LIPC: variants seen among roughly 807,000 people sequenced by gnomAD.
LIPC encodes the protein lipase C, hepatic type.
In LIPC, 44 loss-of-function variants were observed where a neutral mutation model predicts 50.7. The ratio of observed to expected loss-of-function variants is 0.87; its 90% confidence interval spans 0.68 to 1.11. The LOEUF is 1.11. Ranked by LOEUF, LIPC falls within the 50% of genes most tolerant of loss-of-function variation. The probability of loss-of-function intolerance (pLI) is 0.00; values close to 1 mark genes in which losing one functional copy is unlikely to be tolerated. For missense variants in LIPC, 697 were observed against 648.2 expected, an observed-to-expected ratio of 1.08 and a Z score of -0.82; for synonymous variants, 271 against 256.4, an observed-to-expected ratio of 1.06 and a Z score of -0.54.
At chr15:58,517,086 ACT>A (rs1892508043) in intron 1 of LIPC, among the ~76,000 whole-genome samples, 1 of 152,222 alleles carries the variant, frequency 6.6e-6, no homozygotes. Flanking sequence ...GAATCCAAAC[ACT>A]GTTTATGTTG....
At chr15:58,436,763 G>A (rs761587698) in intron 1 of LIPC, 1 of 456,286 alleles carries the variant, frequency 2.2e-6, no homozygotes, top group Non-Finnish European at 4.4e-6. Flanking sequence ...GAGGGAAGAA[G>A]GCTTCTTGGA....
intron 1 of LIPC, among the ~76,000 whole-genome samples, chr15:58,468,421 G>A (rs1274606134): frequency 2.0e-5 from 3 of 152,008 alleles, no homozygotes; most frequent in Non-Finnish European, 2.9e-5. Flanking sequence ...CTCTGAGAAT[G>A]AGGGCCCACA....
intron 7 of LIPC, among the ~76,000 whole-genome samples, chr15:58,561,623 T>G (rs1894165749): frequency 6.6e-6 from 1 of 152,240 alleles, no homozygotes; most frequent in Non-Finnish European, 1.5e-5. Context: ...AATGTAGATT[T>G]TCCCACCACA....
chr15:58,535,763 T>A (rs1282581022), intron 1 of LIPC, among the ~76,000 whole-genome samples: 1 of 152,198 alleles, frequency 6.6e-6, no homozygotes, highest in Non-Finnish European at 1.5e-5. Flanking sequence ...TATTTAATCC[T>A]CCTAACAACC....
At chr15:58,447,532 G>A (rs772544479) in intron 1 of LIPC, among the ~76,000 whole-genome samples, 6 of 152,174 alleles carry the variant, frequency 3.9e-5, no homozygotes, top group African/African-American at 9.7e-5. Flanking sequence ...GAGAAGAGGC[G>A]CATGCATATC....
intron 6 of LIPC, among the ~76,000 whole-genome samples, chr15:58,555,109 C>A (rs191587650): frequency 1.3e-5 from 2 of 152,188 alleles, no homozygotes; most frequent in African/African-American, 4.8e-5. Flanking sequence ...GCTAAAGGGG[C>A]CTTTGCATCC....
intron 1 of LIPC, among the ~76,000 whole-genome samples, chr15:58,439,295 T>C (rs1893422828): frequency 6.6e-6 from 1 of 152,222 alleles, no homozygotes; most frequent in Admixed American, 6.5e-5. Flanking sequence ...CTTTATGTAA[T>C]GTTATAGTAT....
At chr15:58,438,330 G>A (rs1200108729) in intron 1 of LIPC, among the ~76,000 whole-genome samples, 1 of 152,128 alleles carries the variant, frequency 6.6e-6, no homozygotes, top group African/African-American at 2.4e-5. Context: ...GGGTGTCCCT[G>A]ACAGCCACGG....
chr15:58,487,170 AG>A (rs1891407925), intron 1 of LIPC, among the ~76,000 whole-genome samples: 2 of 152,234 alleles, frequency 1.3e-5, no homozygotes, highest in South Asian at 4.1e-4. Flanking sequence ...AGATTTTCAA[AG>A]GTGGTTCTTA....
In LIPC at chr15:58,547,451, G is replaced by A. The variant is rs114971017; in HGVS notation, c.809-879G>A. Reference sequence around the variant, plus strand: ...TAGTAGGTGCCCAAGGAATGCAGCCGCTAGCGTCCAAGGACTGCAGTGACT... The same window carrying A: ...TAGTAGGTGCCCAAGGAATGCAGCCACTAGCGTCCAAGGACTGCAGTGACT... On this transcript the variant is annotated intron_variant, in intron 5 of 8. Transcript: ENST00000299022. 8.5e-3 allele frequency among the ~76,000 whole-genome samples: 1,292 copies of A among 152,266 alleles called. 23 individuals carry two copies. Among genetic ancestry groups the A allele is most frequent in the African/African-American group, 0.03 (1,229 of 41,542 alleles).
chr15:58,445,267 C>A (rs145140176), intron 1 of LIPC, among the ~76,000 whole-genome samples: 455 of 152,346 alleles, frequency 3.0e-3, no homozygotes, highest in African/African-American at 0.01. Context: ...TGGCTTGGCG[C>A]CTTATGGAAC....
At chr15:58,439,965 G>T (rs1893447901) in intron 1 of LIPC, among the ~76,000 whole-genome samples, 1 of 152,088 alleles carries the variant, frequency 6.6e-6, no homozygotes, top group Non-Finnish European at 1.5e-5. Context: ...CGAGGCTACA[G>T]GGCAAACCTC....
rs1253604958 is a variant in LIPC, at chr15:58,567,286, TATATATAC to T, written c.1389-1422_1389-1415del. Among the ~76,000 whole-genome samples the T allele has an allele frequency of 3.7e-3, 261 of 70,496 alleles. 2 individuals carry two copies. Among genetic ancestry groups the T allele is most frequent in the African/African-American group, 0.011 (228 of 21,304 alleles). 46.2% of individuals were successfully genotyped at this position (70,496 alleles called of 152,430 possible). A position where few individuals can be genotyped will look rare whatever the true frequency, so the allele number is the denominator to read the frequency against. On this transcript the variant is annotated intron_variant, in intron 8 of 8. Coordinates refer to ENST00000299022, the MANE Select transcript of LIPC (RefSeq NM_000236.3). Reference sequence around the variant, plus strand: ...GTATATGTGTGTGTGTGTGTGTATATATATATACATATATATATACATATATATGTATA... The same window carrying T: ...GTATATGTGTGTGTGTGTGTGTATATATATATATATACATATATATGTATA...
At chr15:58,567,518 C>A (rs1894434630) in intron 8 of LIPC, among the ~76,000 whole-genome samples, 1 of 151,184 alleles carries the variant, frequency 6.6e-6, no homozygotes, top group South Asian at 2.1e-4. Flanking sequence ...AAAATATGCA[C>A]AAAGGCTATA....
intron 1 of LIPC, among the ~76,000 whole-genome samples, chr15:58,537,372 C>T (rs1255149413): frequency 6.6e-6 from 1 of 152,236 alleles, no homozygotes. Context: ...CTGGAAGGCC[C>T]TTCGGTCAAA....
At chr15:58,497,482 G>C (rs1250725339) in intron 1 of LIPC, among the ~76,000 whole-genome samples, 2 of 152,188 alleles carry the variant, frequency 1.3e-5, no homozygotes, top group Admixed American at 1.3e-4. Context: ...GGGAGAGCTT[G>C]TCTGGGCTCT....
At position 58,563,716 on chromosome 15, in the gene LIPC, C is replaced by A; in HGVS notation, c.1381C>A (p.Gln461Lys). Reference protein sequence around the residue: ...KTIRVKAGETQQRMTFCSENT... With the variant: ...KTIRVKAGETKQRMTFCSENT... ...GATCAGAGTCAAAGCAGGAGAAACC[C>A]AGCAAAGGTGACTGCTGATTCAATC... The change falls in exon 8 of 9, where the codon CAG becomes AAG. Residue 461 changes from glutamine to lysine, a missense_variant. Coordinates refer to ENST00000299022, the MANE Select transcript of LIPC (RefSeq NM_000236.3). 1 of 1,612,594 alleles carries A rather than the reference C, an allele frequency of 6.2e-7. No individual in the cohort carries two copies. Among genetic ancestry groups the A allele is most frequent in the Non-Finnish European group, 8.5e-7 (1 of 1,179,804 alleles).
At chr15:58,540,714 C>G (rs1893290819) in intron 2 of LIPC, among the ~76,000 whole-genome samples, 1 of 152,196 alleles carries the variant, frequency 6.6e-6, no homozygotes, top group Non-Finnish European at 1.5e-5. Flanking sequence ...TTTCATGATT[C>G]TGTGACTCTG....
At chr15:58,529,070 G>T (rs1416250339) in intron 1 of LIPC, among the ~76,000 whole-genome samples, 1 of 152,114 alleles carries the variant, frequency 6.6e-6, no homozygotes, top group Non-Finnish European at 1.5e-5. Flanking sequence ...GCTTCACTTG[G>T]CAATTGTGTA....
Sources: allele counts gnomAD v4.1 joint callset (sites outside exome capture counted in the v4.1 genomes callset), GRCh38; gene constraint gnomAD v4.1.1; transcripts MANE v1.5; gene names NCBI Gene and HGNC (gene_info 2026-07-23, HGNC 2026-07-21).